The following SPHKAP variants were observed in gnomAD, a reference collection of about 807,000 sequenced individuals.
SPHKAP encodes the protein SPHK1 interactor, AKAP domain containing, also known as A-kinase anchor protein SPHKAP.
A neutral mutation model predicts 137.5 loss-of-function variants in SPHKAP; 67 were observed. The ratio of observed to expected loss-of-function variants is 0.49; its 90% CI spans 0.40 to 0.60. The LOEUF is 0.60. Among genes scored for constraint, SPHKAP ranks in the 20% least tolerant of loss-of-function variants. The pLI, the probability that SPHKAP is intolerant of heterozygous loss-of-function variation, is 0.00. For missense variants in SPHKAP, 2,097 were observed against 2,069.3 expected (o/e 1.01, Z -0.26); for synonymous variants, 813 against 785.3 (o/e 1.04, Z -0.59).
At chr2:228,133,486 C>A (rs1465418948) in intron 1 of SPHKAP, among the ~76,000 whole-genome samples, 2 of 151,994 alleles carry the variant, frequency 1.3e-5, no homozygotes, top group African/African-American at 4.8e-5. Flanking sequence ...TCTAAATATT[C>A]TTCTTCTGAA....
chr2:228,018,254 T>C lies in SPHKAP; in HGVS notation c.2600A>G (p.Gln867Arg), dbSNP rs3828161. 0.17 allele frequency: 277,282 copies of C among 1,613,986 alleles called. 26,248 individuals are homozygous for C. Among genetic ancestry groups the C allele is most frequent in the East Asian group, 0.36 (16,048 of 44,846 alleles). ...SEGQRSPTVS[Q>R]SRSGSQEAEE... ...AGCCTCCTGGGAACCACTTCTGGAC[T>C]GGCTGACCGTTGGGGACCTTTGTCC... is the stretch of plus-strand genomic sequence containing the variant. Residue 867 changes from glutamine (Q) to arginine (R), a missense_variant, in exon 7 of 12, where the codon CAG (glutamine) becomes CGG (arginine). Gln to Arg is a conservative substitution (Grantham distance 43, BLOSUM62 1). Coordinates refer to ENST00000392056, the MANE Select transcript of SPHKAP (RefSeq NM_001142644.2).
intron 7 of SPHKAP, among the ~76,000 whole-genome samples, chr2:228,001,661 C>G (rs1386159542): frequency 6.6e-6 from 1 of 151,194 alleles, no homozygotes; most frequent in African/African-American, 2.4e-5. Flanking sequence ...TGTTGGTGTG[C>G]TGCACCCATT....
chr2:228,046,891 C>G (rs1271412598), intron 3 of SPHKAP, among the ~76,000 whole-genome samples: 1 of 152,100 alleles, frequency 6.6e-6, no homozygotes, highest in Non-Finnish European at 1.5e-5. Flanking sequence ...TGAAGTTTAT[C>G]CTTTTGGCAT....
intron 3 of SPHKAP, among the ~76,000 whole-genome samples, chr2:228,028,822 G>A (rs1695166249): frequency 2.6e-5 from 4 of 152,194 alleles, no homozygotes; most frequent in South Asian, 4.1e-4. Context: ...CTAACAGTAA[G>A]TGACTCATGC....
At chr2:228,142,214 T>G (rs1392891895) in intron 1 of SPHKAP, among the ~76,000 whole-genome samples, 1 of 151,994 alleles carries the variant, frequency 6.6e-6, no homozygotes, top group South Asian at 2.1e-4. Context: ...AGCATAAGTG[T>G]ACACCATTCT....
At chr2:228,143,752 C>T (rs1161939385) in intron 1 of SPHKAP, among the ~76,000 whole-genome samples, 6 of 151,186 alleles carry the variant, frequency 4.0e-5, no homozygotes, top group East Asian at 2.0e-4. Flanking sequence ...ATGATCTGCC[C>T]GCCTTAGCCT....
intron 11 of SPHKAP, among the ~76,000 whole-genome samples, chr2:227,986,349 CATA>C (rs1693208735): frequency 2.0e-5 from 3 of 152,148 alleles, no homozygotes; most frequent in African/African-American, 4.8e-5. Context: ...TGTTCTCACT[CATA>C]AGTGGGAGCT....
intron 3 of SPHKAP, among the ~76,000 whole-genome samples, chr2:228,076,966 C>T (rs1333517474): frequency 6.6e-6 from 1 of 152,150 alleles, no homozygotes; most frequent in African/African-American, 2.4e-5. Context: ...CTGCTATGTG[C>T]AGCCTAGAGT....
At chr2:228,035,628 A>G (rs1159947754) in intron 3 of SPHKAP, among the ~76,000 whole-genome samples, 2 of 152,238 alleles carry the variant, frequency 1.3e-5, no homozygotes, top group Non-Finnish European at 2.9e-5. Flanking sequence ...CTGACTTCAA[A>G]CTTTACTACA....
At chr2:228,171,740 C>A (rs536964579) in intron 1 of SPHKAP, among the ~76,000 whole-genome samples, 1 of 152,246 alleles carries the variant, frequency 6.6e-6, no homozygotes, top group Admixed American at 6.5e-5. Context: ...GACCCACACA[C>A]TGTTAATGTA....
rs530382717 is a variant in SPHKAP at position 227,989,179 on chromosome 2, T to TA, written c.4959+1820dup. Among the ~76,000 whole-genome samples the TA allele has an allele frequency of 9.2e-5, 14 of 152,196 alleles. No homozygotes were observed. The East Asian group carries it at 2.1e-3, about 23-fold the overall frequency. ...GAGAATTAAAATGCAATTACACAGT[T>TA]AAAAAAATCCAGATTGTAAGCCCAA... On this transcript the variant is annotated intron_variant, in intron 11 of 11. Transcript: ENST00000392056.
chr2:227,991,107 C>G lies in SPHKAP; in HGVS notation c.4852G>C (p.Glu1618Gln), dbSNP rs991363164. Residue 1618 changes from glutamate to glutamine, a missense_variant, in exon 11 of 12, where the codon GAG (glutamate) becomes CAG (glutamine). Glu to Gln is a conservative substitution (Grantham distance 29, BLOSUM62 2). Transcript: ENST00000392056. The stretch of plus-strand genomic sequence containing the variant: ...GCTCGGAGCTCGGCATCTGGACACT[C>G]TGGCTCCAGGTCAAAGTTGATCACC... ...LLVINFDLEP[E>Q]CPDAELRATL... 5 of 1,614,030 alleles carry G rather than the reference C, an allele frequency of 3.1e-6. No homozygotes were observed. In the East Asian group the frequency reaches 6.7e-5, roughly 22 times the overall value.
intron 1 of SPHKAP, among the ~76,000 whole-genome samples, chr2:228,144,738 T>C (rs1000782207): frequency 1.3e-5 from 2 of 152,186 alleles, no homozygotes; most frequent in African/African-American, 4.8e-5. Context: ...TATTAAATAA[T>C]GCTTTCCTTT....
At chr2:228,011,489 A>C (rs1280493952) in intron 7 of SPHKAP, among the ~76,000 whole-genome samples, 1 of 152,204 alleles carries the variant, frequency 6.6e-6, no homozygotes, top group Non-Finnish European at 1.5e-5. Context: ...TTCCTTTTTT[A>C]ACCTCTGAAA....
At chr2:228,118,873 C>T (rs926487957) in intron 2 of SPHKAP, among the ~76,000 whole-genome samples, 2 of 152,040 alleles carry the variant, frequency 1.3e-5, no homozygotes, top group African/African-American at 4.8e-5. Flanking sequence ...ACAAGAATAA[C>T]AACAACAAAA....
intron 1 of SPHKAP, among the ~76,000 whole-genome samples, chr2:228,143,946 T>C (rs1699686613): frequency 6.6e-6 from 1 of 152,216 alleles, no homozygotes; most frequent in Non-Finnish European, 1.5e-5. Flanking sequence ...TTTTGCCTTC[T>C]GCCTCTATCG....
rs1229956684 is a variant in SPHKAP at position 228,047,466 on chromosome 2, C to CA, written c.247-19924dup. ...GGGCAACAAGAGCAAAACTCCATCT[C>CA]AAAAAAAAAAAAAAAACAAAAAACA... On this transcript the variant is annotated intron_variant, in intron 3 of 11. Coordinates refer to ENST00000392056, the MANE Select transcript of SPHKAP (RefSeq NM_001142644.2). 8.5e-3 allele frequency among the ~76,000 whole-genome samples: 843 copies of CA among 99,240 alleles called. 11 individuals carry two copies. The highest frequency in any genetic ancestry group is 0.055 in the East Asian group (176 of 3,224). 65.1% of individuals were successfully genotyped at this position (99,240 alleles called of 152,430 possible).
chr2:228,108,571 T>C (rs1698413511), intron 3 of SPHKAP, among the ~76,000 whole-genome samples: 1 of 152,238 alleles, frequency 6.6e-6, no homozygotes, highest in Admixed American at 6.5e-5. Flanking sequence ...TATTTCTGAA[T>C]CTTTTTCGCA....
At chr2:228,066,801 A>G (rs975718700) in intron 3 of SPHKAP, among the ~76,000 whole-genome samples, 7 of 152,354 alleles carry the variant, frequency 4.6e-5, no homozygotes, top group Non-Finnish European at 1.0e-4. Flanking sequence ...TTACAGCACA[A>G]ACTTATGGGA....
Sources: gnomAD v4.1 joint callset for allele counts (sites outside exome capture counted in the v4.1 genomes callset) on GRCh38, gnomAD v4.1.1 for gene constraint, MANE v1.5 for transcripts, NCBI Gene and HGNC (gene_info 2026-07-23, HGNC 2026-07-21) for gene names.